The following NCOA5 variants were observed in gnomAD, a reference collection of about 807,000 sequenced individuals.
The protein encoded by NCOA5 is NCoA-5.
NCOA5 carries 12 observed loss-of-function variants against 59.0 expected under a neutral mutation model. That is an observed-to-expected ratio of 0.20 (90% confidence interval 0.13 to 0.33). NCOA5 has a LOEUF of 0.33. Among genes scored for constraint, NCOA5 ranks in the 10% least tolerant of loss-of-function variants. The pLI, the probability that NCOA5 is intolerant of heterozygous loss-of-function variation, is 1.00. For synonymous variants in NCOA5, 270 were observed against 275.5 expected (o/e 0.98, Z 0.20); for missense variants, 655 against 766.6 (o/e 0.85, Z 1.72).
chr20:46,079,260 T>C (rs1600630334), intron 2 of NCOA5, 127 bp downstream of exon 2: 7 of 865,780 alleles, frequency 8.1e-6, no homozygotes, highest in Admixed American at 5.8e-5. Flanking sequence ...ACAGGGTTCA[T>C]GTTCTTATTG....
At chr20:46,086,084 G>A (rs1317070092) in intron 1 of NCOA5, among the ~76,000 whole-genome samples, 2 of 152,092 alleles carry the variant, frequency 1.3e-5, no homozygotes. Context: ...TCACCATGTT[G>A]CCCAGGTTGG....
intron 2 of NCOA5, among the ~76,000 whole-genome samples, chr20:46,075,598 T>C (rs1359149498): frequency 6.6e-6 from 1 of 152,138 alleles, no homozygotes; most frequent in Non-Finnish European, 1.5e-5. Context: ...TTCTATTTGT[T>C]CTTCTTTAAG....
intron 2 of NCOA5, among the ~76,000 whole-genome samples, chr20:46,072,818 T>A (rs1262351635): frequency 6.6e-6 from 1 of 152,254 alleles, no homozygotes; most frequent in Non-Finnish European, 1.5e-5. Context: ...TTATCACAAA[T>A]TGACATTACA....
At chr20:46,082,306 T>G (rs559271218) in intron 1 of NCOA5, among the ~76,000 whole-genome samples, 1 of 152,190 alleles carries the variant, frequency 6.6e-6, no homozygotes, top group South Asian at 2.1e-4. Flanking sequence ...TAAATCCTTA[T>G]AGAGAGATAT....
Position 46,070,344 on chromosome 20 carries a change from A to T in NCOA5, c.231T>A (p.Ser77Arg). The change falls in exon 3 of 8, where the codon AGT becomes AGA. Residue 77 changes from serine to arginine, a missense_variant. By Grantham distance (110) the Ser-to-Arg change is moderately radical. Transcript: ENST00000290231. ...RDLRDHRDSR[S>R]VRDVRDVRDL... ...CCCTCACGTCCCGAACGTCGCGCAC[A>T]CTCCTGCTGTCTCTGTGATCCCGCA... The T allele has an allele frequency of 6.2e-7, 1 of 1,611,474 alleles. No individual in the cohort carries two copies. The highest frequency in any genetic ancestry group is 8.5e-7 in the Non-Finnish European group (1 of 1,179,666).
intron 2 of NCOA5, among the ~76,000 whole-genome samples, chr20:46,077,894 G>A (rs1236140387): frequency 6.6e-6 from 1 of 152,242 alleles, no homozygotes; most frequent in African/African-American, 2.4e-5. Flanking sequence ...AATGAAAGCA[G>A]ACATTATACG....
chr20:46,079,314 G>T, intron 2 of NCOA5, 73 bp downstream of exon 2: 2 of 1,401,050 alleles, frequency 1.4e-6, no homozygotes, highest in Non-Finnish European at 2.0e-6. Flanking sequence ...AAAGACCTTT[G>T]GTGTACGAAG....
intron 6 of NCOA5, among the ~76,000 whole-genome samples, chr20:46,064,712 C>T (rs775514347): frequency 4.6e-5 from 7 of 152,176 alleles, no homozygotes; most frequent in Non-Finnish European, 7.3e-5. Context: ...TGAACTGAAA[C>T]ATGGTGGGAG....
rs766847727 is a variant in NCOA5 at position 46,062,529 on chromosome 20, G to T, written c.1511C>A (p.Pro504His). 1 of 1,614,194 alleles carries T rather than the reference G, an allele frequency of 6.2e-7. No individual in the cohort carries two copies. Among genetic ancestry groups the T allele is most frequent in the East Asian group, 2.2e-5 (1 of 44,876 alleles). The change falls in exon 8 of 8, where the codon CCT becomes CAT. Residue 504 changes from proline to histidine, a missense_variant. By Grantham distance (77) the Pro-to-His change is moderately conservative (BLOSUM62 -2). Transcript: ENST00000290231. ...AQNMGPRPGA[P>H]SQGLFGQPSS... The stretch of plus-strand genomic sequence containing the variant: ...AGGCTGGCCAAAAAGCCCTTGGGAA[G>T]GAGCCCCAGGTCTGGGGCCCATGTT...
intron 4 of NCOA5, among the ~76,000 whole-genome samples, 190 bp from the exon 5 acceptor site, chr20:46,067,371 T>C (rs192858036): frequency 6.6e-6 from 1 of 152,330 alleles, no homozygotes; most frequent in Admixed American, 6.5e-5. Context: ...GACGTGGCCA[T>C]TTTAATGCTG....
chr20:46,067,661 TA>T (rs1237641782), intron 4 of NCOA5, among the ~76,000 whole-genome samples: 2 of 152,016 alleles, frequency 1.3e-5, no homozygotes, highest in Non-Finnish European at 2.9e-5. Context: ...AGTTTAAAAT[TA>T]AAAAATTAAA....
At chr20:46,065,548 C>T (rs1441904314) in intron 5 of NCOA5, among the ~76,000 whole-genome samples, 1 of 152,144 alleles carries the variant, frequency 6.6e-6, no homozygotes, top group African/African-American at 2.4e-5. Context: ...GGGTAGGCTG[C>T]ACAACACAGT....
chr20:46,068,688 A>G (rs1163883810), intron 3 of NCOA5, 50 bp from the exon 4 acceptor site: 2 of 1,566,812 alleles, frequency 1.3e-6, no homozygotes, highest in Admixed American at 1.9e-5. Context: ...TCTTATCCTG[A>G]AAAAGTCACC....
chr20:46,070,172 A>C, intron 3 of NCOA5, 38 bp downstream of exon 3: 1 of 1,525,370 alleles, frequency 6.6e-7, no homozygotes, highest in Non-Finnish European at 9.0e-7. Flanking sequence ...ACATAAAAAG[A>C]ACTCAGGAAA....
At position 46,061,788 on chromosome 20, in the gene NCOA5, C is replaced by T. The variant is rs987035821; in HGVS notation, c.*512G>A. 3.3e-5 allele frequency: 5 copies of T among 152,688 alleles called. No homozygotes were observed. Among genetic ancestry groups the T allele is most frequent in the African/African-American group, 1.2e-4 (5 of 41,444 alleles). The allele number at this position is 152,688 out of a possible 1,614,324, so 9.5% of individuals were successfully genotyped here. A position where few individuals can be genotyped will look rare whatever the true frequency, so the allele number is the denominator to read the frequency against. On this transcript the variant is annotated 3_prime_UTR_variant, in exon 8 of 8. Coordinates refer to ENST00000290231, the MANE Select transcript of NCOA5 (RefSeq NM_020967.3). ...TATGAATCCTCAAGCAGACCCCAAA[C>T]ATATGGGGTGAGGGTATGATGACAC...
At chr20:46,077,592 G>A (rs935691558) in intron 2 of NCOA5, among the ~76,000 whole-genome samples, 1 of 152,208 alleles carries the variant, frequency 6.6e-6, no homozygotes, top group African/African-American at 2.4e-5. Flanking sequence ...CAAGTATCAT[G>A]GAGACAACAG....
At chr20:46,082,749 G>C (rs2145552438) in intron 1 of NCOA5, among the ~76,000 whole-genome samples, 1 of 152,204 alleles carries the variant, frequency 6.6e-6, no homozygotes, top group Non-Finnish European at 1.5e-5. Context: ...GCACTTCTCA[G>C]TTAAGAATTT....
intron 1 of NCOA5, among the ~76,000 whole-genome samples, chr20:46,089,387 C>T (rs1469528675): frequency 6.6e-6 from 1 of 152,220 alleles, no homozygotes. Context: ...CCCGGTGCCA[C>T]GGGACGCCTT....
Position 46,063,391 on chromosome 20 carries a change from C to A in NCOA5, c.1119G>T (p.Arg373=). 1 of 1,613,752 alleles carries A rather than the reference C, an allele frequency of 6.2e-7. No individual in the cohort carries two copies. Among genetic ancestry groups the A allele is most frequent in the Non-Finnish European group, 8.5e-7 (1 of 1,180,038 alleles). Residue 373 remains arginine (R), a synonymous_variant, in exon 7 of 8, where the codon CGG becomes CGT. Transcript: ENST00000290231. ...IINYLRERKE[R]LMRSSTDSLP... is the part of the protein sequence containing the mutation. ...GAGAGTCGGTGCTGCTCCTCATCAG[C>A]CGCTCCTTCCGCTCTCGCAGGTAGT... is the stretch of plus-strand genomic sequence containing the variant.
Sources: allele counts gnomAD v4.1 joint callset (sites outside exome capture counted in the v4.1 genomes callset), GRCh38; gene constraint gnomAD v4.1.1; transcripts MANE v1.5; gene names NCBI Gene and HGNC (gene_info 2026-07-23, HGNC 2026-07-21).